CDH18: variants seen among roughly 807,000 people sequenced by gnomAD.
The protein encoded by CDH18 is cadherin 18, also known as cadherin-18.
In CDH18, 31 loss-of-function variants were observed where a neutral mutation model predicts 67.9. The ratio of observed to expected loss-of-function variants is 0.46; its 90% CI spans 0.34 to 0.62. CDH18 has a LOEUF of 0.62. CDH18 is among the 20% of genes least tolerant of loss of function. The pLI is 0.01. For missense variants in CDH18, 890 were observed against 975.5 expected (o/e 0.91, Z 1.17); for synonymous variants, 362 against 347.2 (o/e 1.04, Z -0.48).
rs200723361 is a variant in CDH18, at chr5:20,505,102, A to AC, written c.-580+70359_-580+70360insG. On this transcript the variant is annotated intron_variant, in intron 1 of 14. Coordinates refer to the CDH18 transcript ENST00000507958. ...ACTTTAAGCAAAGTTACTAGTAAAAAAAAATCACCAATCTATTATATGGGG... is the reference window on the plus strand; with the variant it reads ...ACTTTAAGCAAAGTTACTAGTAAAAACAAAATCACCAATCTATTATATGGGG... Among the ~76,000 whole-genome samples, 62 of 151,936 alleles carry AC rather than the reference A, an allele frequency of 4.1e-4. 1 individual carries two copies. In the East Asian group the frequency reaches 6.0e-3, roughly 15 times the overall value.
rs539246463 is a variant in CDH18 at position 19,923,180 on chromosome 5, A to G, written c.-257+57880T>C. 1.1e-4 allele frequency among the ~76,000 whole-genome samples: 17 copies of G among 152,284 alleles called. No homozygotes were observed. In the East Asian group the frequency reaches 3.3e-3, roughly 29 times the overall value. On this transcript the variant is annotated intron_variant, in intron 2 of 12. Transcript: ENST00000382275. ...ATGAGGCTCTTTAACTGACAGGCAC[A>G]TCTAAGCCCAGTTTTCAAACTATCT...
chr5:20,124,020 T>C (rs1392557742), intron 2 of CDH18, among the ~76,000 whole-genome samples: 2 of 151,844 alleles, frequency 1.3e-5, no homozygotes, highest in African/African-American at 4.8e-5. Context: ...CAGACAAATA[T>C]ATATGTATAA....
intron 2 of CDH18, among the ~76,000 whole-genome samples, chr5:20,207,205 C>G (rs1353838397): frequency 6.6e-6 from 1 of 151,088 alleles, no homozygotes; most frequent in East Asian, 1.9e-4. Flanking sequence ...CAACATTGAA[C>G]AATGTGAAAA....
chr5:19,840,288 G>GAAAAAAAAAAAAAAAAAAAAAAAAAA (rs70954608), intron 2 of CDH18, among the ~76,000 whole-genome samples: 2 of 128,056 alleles, frequency 1.6e-5, no homozygotes, highest in African/African-American at 3.0e-5. Context: ...AAAAAAAAAA[G>GAAAAAAAAAAAAAAAAAAAAAAAAAA]AAAAAAAAAA....
In CDH18 at chr5:19,591,232, A is replaced by G. The variant is rs890721875; in HGVS notation, c.824T>C (p.Leu275Pro). The change falls in exon 7 of 13, where the codon CTA (leucine) becomes CCA (proline). Residue 275 changes from leucine to proline, a missense_variant. Transcript: ENST00000382275. ...PPRFPQKHYQ[L>P]YVPESAQVGS... ...AACTTGAGCTGACTCAGGAACATAT[A>G]GCTGATAGTGTTCTGGAAGACATTT... The G allele has an allele frequency of 1.4e-5, 23 of 1,600,872 alleles. No individual in the cohort carries two copies. The highest frequency in any genetic ancestry group is 1.9e-5 in the Non-Finnish European group (22 of 1,174,316).
intron 5 of CDH18, among the ~76,000 whole-genome samples, chr5:19,655,159 T>C (rs907800641): frequency 6.6e-6 from 1 of 152,160 alleles, no homozygotes; most frequent in Non-Finnish European, 1.5e-5. Flanking sequence ...CTCTGTAGCA[T>C]ATGTGTCTAG....
At chr5:19,922,499 T>C (rs1038995856) in intron 2 of CDH18, among the ~76,000 whole-genome samples, 14 of 152,228 alleles carry the variant, frequency 9.2e-5, no homozygotes, top group African/African-American at 3.4e-4. Flanking sequence ...TGCAGCTTAA[T>C]ATTATATCTT....
intron 1 of CDH18, among the ~76,000 whole-genome samples, chr5:20,327,641 C>A (rs1738727884): frequency 6.6e-6 from 1 of 152,082 alleles, no homozygotes; most frequent in Admixed American, 6.6e-5. Context: ...TGAAAAGACT[C>A]TGAAAAATAA....
chr5:19,761,374 G>A (rs1445499667), intron 3 of CDH18, among the ~76,000 whole-genome samples: 1 of 152,096 alleles, frequency 6.6e-6, no homozygotes, highest in African/African-American at 2.4e-5. Flanking sequence ...ATAGTCAAAG[G>A]TATTATGTAT....
rs1032682712 is a variant in CDH18 at position 20,034,083 on chromosome 5, C to T, written c.-517-42069G>A. Reference sequence around the variant, plus strand: ...GCTGCATGCTATCATTTCTGAAGTGCGTTAGACACATATGTGGATGGAAAT... The same window carrying T: ...GCTGCATGCTATCATTTCTGAAGTGTGTTAGACACATATGTGGATGGAAAT... On this transcript the variant is annotated intron_variant, in intron 2 of 14. Transcript: ENST00000507958. 3.7e-4 allele frequency among the ~76,000 whole-genome samples: 56 copies of T among 151,758 alleles called. 1 individual carries two copies. The highest frequency in any genetic ancestry group is 7.0e-4 in the African/African-American group (29 of 41,314).
At chr5:19,991,487 C>G (rs1799975865), upstream of CDH18, among the ~76,000 whole-genome samples, 1 of 151,980 alleles carries the variant, frequency 6.6e-6, no homozygotes, top group Admixed American at 6.6e-5. Context: ...AATATGTGAT[C>G]TGATTTTTAT....
intron 1 of CDH18, among the ~76,000 whole-genome samples, chr5:20,403,072 A>G (rs924245074): frequency 1.3e-5 from 2 of 151,478 alleles, no homozygotes; most frequent in African/African-American, 4.9e-5. Context: ...AATCCCAGCT[A>G]CTTGGGAGGC....
At chr5:20,364,306 T>C (rs1307819345) in intron 1 of CDH18, among the ~76,000 whole-genome samples, 1 of 151,550 alleles carries the variant, frequency 6.6e-6, no homozygotes, top group Non-Finnish European at 1.5e-5. Flanking sequence ...AAAAAATAAT[T>C]GAACCTAAAA....
intron 10 of CDH18, among the ~76,000 whole-genome samples, chr5:19,504,809 C>A (rs994481022): frequency 6.6e-6 from 1 of 152,034 alleles, no homozygotes; most frequent in Non-Finnish European, 1.5e-5. Context: ...CATAGTGATA[C>A]ATTTGCAAGT....
At chr5:20,530,654 C>A (rs1333026931) in intron 1 of CDH18, among the ~76,000 whole-genome samples, 1 of 151,966 alleles carries the variant, frequency 6.6e-6, no homozygotes, top group Non-Finnish European at 1.5e-5. Flanking sequence ...TTCTATTTAA[C>A]AAATGGCACT....
chr5:20,494,860 A>C (rs1355688963), intron 1 of CDH18, among the ~76,000 whole-genome samples: 1 of 152,110 alleles, frequency 6.6e-6, no homozygotes, highest in Non-Finnish European at 1.5e-5. Flanking sequence ...CAGAAGGGAA[A>C]ACATGCTGAC....
In CDH18 at chr5:20,481,671, T is replaced by C. The variant is rs548810944; in HGVS notation, c.-580+93791A>G. 3.3e-5 allele frequency among the ~76,000 whole-genome samples: 5 copies of C among 152,108 alleles called. No homozygotes were observed. In the South Asian group the frequency reaches 1.0e-3, roughly 32 times the overall value. The stretch of plus-strand genomic sequence containing the variant: ...AGGAACTTTGGAAGCTAAACAAACA[T>C]ATGGAAATTAAACGACATGCTCCTA... On this transcript the variant is annotated intron_variant, in intron 1 of 14. Transcript: ENST00000507958.
At chr5:20,316,766 ATTGT>A (rs1737502994) in intron 1 of CDH18, among the ~76,000 whole-genome samples, 1 of 151,988 alleles carries the variant, frequency 6.6e-6, no homozygotes, top group African/African-American at 2.4e-5. Context: ...TATTTTAGTT[ATTGT>A]TTATTTATTA....
intron 2 of CDH18, among the ~76,000 whole-genome samples, chr5:20,219,695 G>C (rs78636087): frequency 0.011 from 1,689 of 151,908 alleles, 32 homozygotes; most frequent in African/African-American, 0.038. Flanking sequence ...ATCAATCAAT[G>C]TGATATATGG....
Sources: allele counts gnomAD v4.1 joint callset (sites outside exome capture counted in the v4.1 genomes callset), GRCh38; gene constraint gnomAD v4.1.1; transcripts MANE v1.5; gene names NCBI Gene and HGNC (gene_info 2026-07-23, HGNC 2026-07-21).